Variants in BCL2L13 observed in about 807,000 individuals in gnomAD.
BCL2L13 encodes the protein bcl-2-like protein 13.
A neutral mutation model predicts 25.8 loss-of-function variants in BCL2L13; 13 were observed. The observed-to-expected ratio is 0.50, with a 90% confidence interval of 0.33 to 0.80. The LOEUF (loss-of-function observed/expected upper bound fraction) is 0.80. Ranked by LOEUF, BCL2L13 falls within the 30% of genes least tolerant of loss-of-function variation. The pLI is 0.02. For missense variants in BCL2L13, 504 were observed against 574.9 expected (o/e 0.88, Z 1.26); for synonymous variants, 244 against 230.3 (o/e 1.06, Z -0.54).
exon 1 of BCL2L13, chr22:17,628,982 G>A (rs963194069): frequency 1.3e-5 from 5 of 379,026 alleles, no homozygotes; most frequent in Admixed American, 3.7e-5. Flanking sequence ...AATTAGTCGG[G>A]CTGTTTTGAG....
rs1568971256 is a variant in BCL2L13, at chr22:17,685,016, T to TGG, written c.229+1696_229+1697insGG. Among the ~76,000 whole-genome samples, 15 of 152,110 alleles carry TGG rather than the reference T, an allele frequency of 9.9e-5. 1 individual carries two copies. The highest frequency in any genetic ancestry group is 1.5e-4 in the Non-Finnish European group (10 of 68,010). On this transcript the variant is annotated intron_variant, in intron 3 of 6. Coordinates refer to ENST00000317582, the MANE Select transcript of BCL2L13 (RefSeq NM_015367.4). ...TCCCAAAGTGCTGGGATTACAGGCA[T>TGG]GAGCCACCACGCCCGGCCTGTAATT...
chr22:17,685,879 C>G (rs1375464617), intron 3 of BCL2L13, among the ~76,000 whole-genome samples: 1 of 143,824 alleles, frequency 7.0e-6, no homozygotes, highest in East Asian at 2.1e-4. Context: ...TCACGCCATT[C>G]TCCTGCCTCA....
At chr22:17,679,657 A>G (rs1246357918) in intron 2 of BCL2L13, among the ~76,000 whole-genome samples, 1 of 152,124 alleles carries the variant, frequency 6.6e-6, no homozygotes, top group Non-Finnish European at 1.5e-5. Flanking sequence ...AAATTATTCA[A>G]GAAAGAATAT....
intron 2 of BCL2L13, among the ~76,000 whole-genome samples, chr22:17,665,436 C>T (rs1397725263): frequency 6.6e-6 from 1 of 152,210 alleles, no homozygotes; most frequent in South Asian, 2.1e-4. Flanking sequence ...ACTGTTCCAA[C>T]TTCTGCCTGT....
At chr22:17,686,213 C>G (rs928229540) in intron 3 of BCL2L13, among the ~76,000 whole-genome samples, 1 of 151,976 alleles carries the variant, frequency 6.6e-6, no homozygotes, top group African/African-American at 2.4e-5. Flanking sequence ...CTTTGGGAGG[C>G]TGAAGTGGGT....
intron 6 of BCL2L13, among the ~76,000 whole-genome samples, chr22:17,712,236 A>C (rs866941183): frequency 9.2e-5 from 14 of 152,290 alleles, no homozygotes; most frequent in African/African-American, 3.4e-4. Flanking sequence ...CTTGTTCTTC[A>C]TTTAACAAAA....
intron 1 of BCL2L13, among the ~76,000 whole-genome samples, chr22:17,646,711 T>G (rs1275000823): frequency 9.5e-6 from 1 of 105,188 alleles, no homozygotes; most frequent in Admixed American, 1.1e-4. Flanking sequence ...TCTTGAAATA[T>G]CTGTCTTTTT....
chr22:17,631,105 AT>A (rs3044580), intron 1 of BCL2L13, among the ~76,000 whole-genome samples: 340 of 143,226 alleles, frequency 2.4e-3, no homozygotes, highest in African/African-American at 5.7e-3. Context: ...AAATCACTCA[AT>A]TTTTTTTTTT....
At chr22:17,666,889 GT>G (rs1316955959) in intron 2 of BCL2L13, among the ~76,000 whole-genome samples, 1 of 151,816 alleles carries the variant, frequency 6.6e-6, no homozygotes, top group Non-Finnish European at 1.5e-5. Flanking sequence ...GGTTTCACCA[GT>G]TGGCCAGGCT....
chr22:17,654,834 G>A (rs771629628), intron 1 of BCL2L13, among the ~76,000 whole-genome samples: 9 of 151,834 alleles, frequency 5.9e-5, no homozygotes, highest in Non-Finnish European at 1.2e-4. Flanking sequence ...CAATCCTCCC[G>A]CCTCAGCTTC....
intron 2 of BCL2L13, among the ~76,000 whole-genome samples, chr22:17,660,676 TG>T (rs1413186028): frequency 6.8e-6 from 1 of 146,662 alleles, no homozygotes; most frequent in African/African-American, 2.4e-5. Context: ...CCGCTCACCT[TG>T]GCCTCCCAAA....
intron 2 of BCL2L13, among the ~76,000 whole-genome samples, chr22:17,658,626 G>A (rs561877264): frequency 3.3e-5 from 5 of 150,018 alleles, no homozygotes; most frequent in South Asian, 4.2e-4. Context: ...CCCAGGAGGC[G>A]GAGGTTGCAG....
intron 6 of BCL2L13, chr22:17,706,789 G>A (rs529544188): frequency 7.4e-7 from 1 of 1,352,058 alleles, no homozygotes; most frequent in Non-Finnish European, 9.8e-7. Context: ...TTAGAAGTCT[G>A]TCTGTCTCCT....
intron 2 of BCL2L13, among the ~76,000 whole-genome samples, chr22:17,674,172 T>C (rs867736929): frequency 6.6e-6 from 1 of 152,230 alleles, no homozygotes; most frequent in African/African-American, 2.4e-5. Context: ...CCTGTAAACA[T>C]AATAGTCAGT....
At chr22:17,726,356 A>G (rs1569022186) in intron 6 of BCL2L13, among the ~76,000 whole-genome samples, 2 of 152,054 alleles carry the variant, frequency 1.3e-5, no homozygotes, top group African/African-American at 4.8e-5. Context: ...ATCTTAAAAA[A>G]AAAAAAAAAA....
chr22:17,659,680 C>CA (rs981249694), intron 2 of BCL2L13, among the ~76,000 whole-genome samples: 1 of 141,178 alleles, frequency 7.1e-6, no homozygotes, highest in East Asian at 2.0e-4. Context: ...CAAAACAAAA[C>CA]AAAAAAACAA....
At chr22:17,680,132 T>TGAACCCCGGG (rs2059692747) in intron 2 of BCL2L13, among the ~76,000 whole-genome samples, 1 of 145,064 alleles carries the variant, frequency 6.9e-6, no homozygotes, top group African/African-American at 2.5e-5. Context: ...GAGAATTGCT[T>TGAACCCCGGG]GAACCCCGGG....
upstream of BCL2L13, among the ~76,000 whole-genome samples, chr22:17,635,236 T>C (rs1266053568): frequency 6.7e-6 from 1 of 148,374 alleles, no homozygotes; most frequent in Non-Finnish European, 1.5e-5. Flanking sequence ...AAAAAAAAAC[T>C]AAAAAATTAA....
chr22:17,723,027 C>A (rs1436132438), intron 6 of BCL2L13, among the ~76,000 whole-genome samples: 2 of 151,978 alleles, frequency 1.3e-5, no homozygotes, highest in African/African-American at 2.4e-5. Flanking sequence ...GTTTGAAATC[C>A]TTCTGTATTA....
Sources: gnomAD v4.1 joint callset for allele counts (sites outside exome capture counted in the v4.1 genomes callset) on GRCh38, gnomAD v4.1.1 for gene constraint, MANE v1.5 for transcripts, NCBI Gene and HGNC (gene_info 2026-07-23, HGNC 2026-07-21) for gene names.